TIMM23B: variants seen among roughly 807,000 people sequenced by gnomAD.
The protein encoded by TIMM23B is translocase of inner mitochondrial membrane 23 homolog B.
Under a neutral mutation model 27.3 loss-of-function variants are expected in TIMM23B, and 27 were observed. The ratio of observed to expected loss-of-function variants is 0.99; its 90% CI spans 0.73 to 1.36. The LOEUF (loss-of-function observed/expected upper bound fraction) is 1.36. TIMM23B is among the 40% of genes most tolerant of loss of function. TIMM23B has a pLI of 0.00. For synonymous variants in TIMM23B, 73 were observed against 92.4 expected (o/e 0.79, Z 1.21); for missense variants, 205 against 244.2 (o/e 0.84, Z 1.07).
intron 6 of TIMM23B, among the ~76,000 whole-genome samples, chr10:49,958,790 A>G (rs1347225540): frequency 1.7e-4 from 26 of 152,196 alleles, no homozygotes; most frequent in Non-Finnish European, 2.9e-5. Context: ...TTAGCTCCTG[A>G]TAATGTTACA....
At chr10:49,956,672 A>T (rs1277134303) in intron 5 of TIMM23B, among the ~76,000 whole-genome samples, 1 of 145,942 alleles carries the variant, frequency 6.9e-6, no homozygotes, top group South Asian at 2.2e-4. Context: ...AGTGAAAATG[A>T]TTCTTCTGGT....
intron 6 of TIMM23B, among the ~76,000 whole-genome samples, chr10:49,958,822 G>A (rs1839807816): frequency 6.6e-6 from 1 of 152,130 alleles, no homozygotes; most frequent in African/African-American, 2.4e-5. Flanking sequence ...TGAATTGGCT[G>A]CTTTAGGCAC....
At chr10:49,957,865 A>G (rs1839777398) in intron 5 of TIMM23B, among the ~76,000 whole-genome samples, 1 of 152,236 alleles carries the variant, frequency 6.6e-6, no homozygotes, top group African/African-American at 2.4e-5. Flanking sequence ...GACTGGGCAC[A>G]GAAATCCAGC....
At chr10:49,955,872 G>A (rs1228607775) in intron 5 of TIMM23B, among the ~76,000 whole-genome samples, 1 of 152,150 alleles carries the variant, frequency 6.6e-6, no homozygotes, top group Non-Finnish European at 1.5e-5. Context: ...CTAAGAGATG[G>A]CTGCTTTCAT....
chr10:49,955,124 A>G, intron 5 of TIMM23B, 64 bp downstream of exon 5: 1 of 1,538,238 alleles, frequency 6.5e-7, no homozygotes, highest in East Asian at 2.3e-5. Context: ...AAATATCATG[A>G]ACAATTTGAT....
rs146709772 is a variant in TIMM23B at position 49,966,065 on chromosome 10, AATGAC to A, written c.515-6917_515-6913del. ...AGAGCGAGTCTCTGTCTCGAAATGAAATGACATGACATGACATGACATGACATGAC... is the reference window on the plus strand; with the variant it reads ...AGAGCGAGTCTCTGTCTCGAAATGAAATGACATGACATGACATGACATGAC... On this transcript the variant is annotated intron_variant, in intron 6 of 6. Transcript: ENST00000651259. 7.0e-4 allele frequency among the ~76,000 whole-genome samples: 101 copies of A among 143,702 alleles called. 2 individuals carry two copies. Among genetic ancestry groups the A allele is most frequent in the African/African-American group, 1.5e-3 (58 of 39,762 alleles). The allele number at this position is 143,702 out of a possible 152,430, so 94.3% of individuals were successfully genotyped here. A position where few individuals can be genotyped will look rare whatever the true frequency, so the allele number is the denominator to read the frequency against.
intron 6 of TIMM23B, among the ~76,000 whole-genome samples, chr10:49,961,651 G>A (rs1288487710): frequency 6.6e-6 from 1 of 151,664 alleles, no homozygotes; most frequent in African/African-American, 2.4e-5. Flanking sequence ...CCAGGCTAAA[G>A]TGCAGTGGTG....
In TIMM23B at chr10:49,942,099, C is replaced by G. The variant is rs2133034410; in HGVS notation, c.-96C>G. 1 of 1,406,694 alleles carries G rather than the reference C, an allele frequency of 7.1e-7. No homozygotes were observed. The highest frequency in any genetic ancestry group is 1.4e-5 in the African/African-American group (1 of 69,210). 87.1% of individuals were successfully genotyped at this position (1,406,694 alleles called of 1,614,324 possible). A position where few individuals can be genotyped will look rare whatever the true frequency, so the allele number is the denominator to read the frequency against. On this transcript the variant is annotated 5_prime_UTR_variant, in exon 1 of 7. Coordinates refer to ENST00000651259, the MANE Select transcript of TIMM23B (RefSeq NM_001290117.2). Reference sequence around the variant, plus strand: ...TGTCAGCGTGTGAAGTAGGCGCTGGCAACGCGGGGTTACCCGCTGTTATTG... The same window carrying G: ...TGTCAGCGTGTGAAGTAGGCGCTGGGAACGCGGGGTTACCCGCTGTTATTG...
intron 6 of TIMM23B, among the ~76,000 whole-genome samples, chr10:49,962,351 C>T (rs1331545488): frequency 1.3e-5 from 2 of 151,828 alleles, no homozygotes; most frequent in African/African-American, 2.4e-5. Context: ...TACAGATGCC[C>T]GCCACCACGC....
chr10:49,972,224 T>G (rs1393069652), intron 6 of TIMM23B, among the ~76,000 whole-genome samples: 1 of 152,264 alleles, frequency 6.6e-6, no homozygotes, highest in Non-Finnish European at 1.5e-5. Context: ...CTGGAAAGGC[T>G]TGCTGTCAGG....
intron 6 of TIMM23B, among the ~76,000 whole-genome samples, chr10:49,964,758 G>A (rs1554855151): frequency 1.3e-5 from 2 of 151,138 alleles, no homozygotes; most frequent in African/African-American, 4.9e-5. Flanking sequence ...ATGAAGAAAT[G>A]AAATAATGAA....
At chr10:49,963,733 A>C in intron 6 of TIMM23B, among the ~76,000 whole-genome samples, 1 of 152,192 alleles carries the variant, frequency 6.6e-6, no homozygotes, top group Non-Finnish European at 1.5e-5. Flanking sequence ...TGGGAGGCTG[A>C]GGAGGGTGGA....
intron 6 of TIMM23B, among the ~76,000 whole-genome samples, chr10:49,961,438 G>A (rs1372951024): frequency 1.3e-5 from 2 of 151,612 alleles, no homozygotes; most frequent in African/African-American, 4.8e-5. Flanking sequence ...ACTAGAAGAC[G>A]GTTTGCTGTT....
At chr10:49,964,535 G>T (rs1554855110) in intron 6 of TIMM23B, among the ~76,000 whole-genome samples, 1 of 148,934 alleles carries the variant, frequency 6.7e-6, no homozygotes. Flanking sequence ...GGCAATAGAG[G>T]GAGTCTCCGT....
chr10:49,942,140 G>A lies in TIMM23B; in HGVS notation c.-55G>A. 6.5e-7 allele frequency: 1 copy of A among 1,542,910 alleles called. No individual in the cohort carries two copies. Among genetic ancestry groups the A allele is most frequent in the Non-Finnish European group, 8.8e-7 (1 of 1,139,190 alleles). ...GCTGTTATTGAGGAGTAACGGCCCA[G>A]CGGACCACCCAGGCTTGAGGCAGCG... On this transcript the variant is annotated 5_prime_UTR_variant, in exon 1 of 7. Coordinates refer to ENST00000651259, the MANE Select transcript of TIMM23B (RefSeq NM_001290117.2).
At chr10:49,957,059 C>G (rs1839747968) in intron 5 of TIMM23B, among the ~76,000 whole-genome samples, 1 of 150,512 alleles carries the variant, frequency 6.6e-6, no homozygotes, top group Non-Finnish European at 1.5e-5. Context: ...GTTGAGCACT[C>G]TGTCCCACAA....
chr10:49,948,911 A>G (rs1273777543), intron 2 of TIMM23B, among the ~76,000 whole-genome samples: 4 of 152,104 alleles, frequency 2.6e-5, no homozygotes, highest in African/African-American at 9.7e-5. Flanking sequence ...CTAAGAGACA[A>G]AGTCTCACTC....
chr10:49,964,463 T>A (rs1418184065), intron 6 of TIMM23B, among the ~76,000 whole-genome samples: 66 of 131,504 alleles, frequency 5.0e-4, no homozygotes, highest in African/African-American at 1.8e-3. Flanking sequence ...TCAAATGAAA[T>A]GATGAAATGA....
In TIMM23B at chr10:49,946,104, C is replaced by A. The variant is rs1172340955; in HGVS notation, c.165+1014C>A. 6.6e-5 allele frequency among the ~76,000 whole-genome samples: 10 copies of A among 151,742 alleles called. No homozygotes were observed. The South Asian group carries it at 1.0e-3, about 16-fold the overall frequency. On this transcript the variant is annotated intron_variant, in intron 2 of 6. Transcript: ENST00000651259. ...GCTTGAGAGGCTGAGGCACGAGAAT[C>A]GCTTGAACCCTGGATACAAAGGTTG...
Sources: gnomAD v4.1 joint callset for allele counts (sites outside exome capture counted in the v4.1 genomes callset) on GRCh38, gnomAD v4.1.1 for gene constraint, MANE v1.5 for transcripts, NCBI Gene and HGNC (gene_info 2026-07-23, HGNC 2026-07-21) for gene names.